The following CEP120 variants were observed in gnomAD, a reference collection of about 807,000 sequenced individuals.
The protein encoded by CEP120 is centrosomal protein of 120 kDa.
CEP120 carries 113 observed loss-of-function variants against 126.5 expected under a neutral mutation model. The ratio of observed to expected loss-of-function variants is 0.89; its 90% CI spans 0.77 to 1.04. The LOEUF (loss-of-function observed/expected upper bound fraction) is 1.04. CEP120 is among the 50% of genes least tolerant of loss of function. The pLI, the probability that CEP120 is intolerant of heterozygous loss-of-function variation, is 0.00. For synonymous variants in CEP120, 400 were observed against 394.3 expected (o/e 1.01, Z -0.17); for missense variants, 1,230 against 1,155.7 (o/e 1.06, Z -0.93).
intron 16 of CEP120, among the ~76,000 whole-genome samples, chr5:123,375,609 C>T (rs1315019011): frequency 6.6e-6 from 1 of 152,112 alleles, no homozygotes; most frequent in African/African-American, 2.4e-5. Context: ...AAGTGTGAAC[C>T]ACTGTGCCTG....
intron 9 of CEP120, 87 bp from the exon 10 acceptor site, chr5:123,386,754 A>C: frequency 9.8e-7 from 1 of 1,015,968 alleles, no homozygotes; most frequent in Non-Finnish European, 1.3e-6. Flanking sequence ...AAAAAAGTAT[A>C]ATATGAATAT....
intron 16 of CEP120, among the ~76,000 whole-genome samples, chr5:123,373,989 T>TA (rs377115518): frequency 3.3e-5 from 5 of 151,814 alleles, no homozygotes; most frequent in African/African-American, 1.2e-4. Flanking sequence ...GTAATGAAAA[T>TA]AAAATGTGAA....
chr5:123,381,028 A>C (rs1271837772), intron 14 of CEP120, among the ~76,000 whole-genome samples: 1 of 152,072 alleles, frequency 6.6e-6, no homozygotes, highest in East Asian at 1.9e-4. Flanking sequence ...GGTGAGAATT[A>C]AGTTAGAAAA....
At position 123,377,496 on chromosome 5, in the gene CEP120, G is replaced by C; in HGVS notation, c.2236C>G (p.Arg746Gly). 1 of 1,594,154 alleles carries C rather than the reference G, an allele frequency of 6.3e-7. No homozygotes were observed. The highest frequency in any genetic ancestry group is 8.5e-7 in the Non-Finnish European group (1 of 1,175,400). Residue 746 changes from arginine to glycine, a missense_variant, in exon 16 of 20, where the codon CGG becomes GGG. Transcript: ENST00000306467. ...GAGTCCTGCAGTTCTTGCAGGTTCC[G>C]CTGACGTTCTGATTGCAGTTCCTTT... is the stretch of plus-strand genomic sequence containing the variant. ...EKKELQSERQ[R>G]NLQELQDSIR...
At chr5:123,390,174 A>G in intron 7 of CEP120, 34 bp from the exon 8 acceptor site, 1 of 1,459,048 alleles carries the variant, frequency 6.9e-7, no homozygotes, top group Non-Finnish European at 9.4e-7. Flanking sequence ...TATAATTTGC[A>G]AAGAACTTTC....
chr5:123,383,192 C>T (rs939708954), intron 11 of CEP120, 110 bp from the exon 12 acceptor site: 3 of 638,188 alleles, frequency 4.7e-6, no homozygotes, highest in African/African-American at 3.7e-5. Flanking sequence ...TTTTCTGCTC[C>T]TAACTCTATT....
intron 5 of CEP120, among the ~76,000 whole-genome samples, chr5:123,393,838 A>G (rs1772573219): frequency 6.6e-6 from 1 of 152,198 alleles, no homozygotes; most frequent in African/African-American, 2.4e-5. Flanking sequence ...CACATATTTT[A>G]TTTCATCTCA....
chr5:123,356,127 A>C (rs1232142226), intron 18 of CEP120, among the ~76,000 whole-genome samples: 1 of 152,000 alleles, frequency 6.6e-6, no homozygotes, highest in Non-Finnish European at 1.5e-5. Context: ...GTTCTGTTCC[A>C]TTGGTCTATA....
intron 9 of CEP120, among the ~76,000 whole-genome samples, chr5:123,387,019 T>A (rs1580693663): frequency 6.6e-6 from 1 of 152,164 alleles, no homozygotes; most frequent in South Asian, 2.1e-4. Flanking sequence ...GATGCATTCA[T>A]GGTAATCTGG....
intron 4 of CEP120, among the ~76,000 whole-genome samples, chr5:123,404,916 T>C (rs1423835578): frequency 1.3e-5 from 2 of 152,162 alleles, no homozygotes. Context: ...CAAAATATTA[T>C]AGTAGGAAAA....
intron 11 of CEP120, among the ~76,000 whole-genome samples, chr5:123,384,054 C>A (rs1771851586): frequency 6.6e-6 from 1 of 152,092 alleles, no homozygotes; most frequent in Admixed American, 6.6e-5. Flanking sequence ...TTAAGTAAAT[C>A]TCCTAAAACT....
intron 7 of CEP120, 33 bp from the exon 8 acceptor site, chr5:123,390,173 C>G: frequency 1.4e-6 from 2 of 1,459,594 alleles, no homozygotes; most frequent in Non-Finnish European, 1.9e-6. Context: ...GTATAATTTG[C>G]AAAGAACTTT....
chr5:123,377,853 T>C (rs1321134074), intron 15 of CEP120, among the ~76,000 whole-genome samples: 1 of 152,140 alleles, frequency 6.6e-6, no homozygotes, highest in Non-Finnish European at 1.5e-5. Flanking sequence ...TCTTTTCTTC[T>C]TTTAGAAACT....
chr5:123,352,740 T>C (rs1769278979), intron 18 of CEP120, among the ~76,000 whole-genome samples: 1 of 152,056 alleles, frequency 6.6e-6, no homozygotes, highest in Non-Finnish European at 1.5e-5. Flanking sequence ...ATGATGATTA[T>C]ATTGAATCCA....
chr5:123,349,618 A>G (rs918725339), intron 19 of CEP120, among the ~76,000 whole-genome samples: 2 of 152,128 alleles, frequency 1.3e-5, no homozygotes, highest in African/African-American at 2.4e-5. Context: ...AAAGTTTAAT[A>G]GTCTTTGGCA....
chr5:123,362,684 A>G (rs781104884), intron 18 of CEP120, among the ~76,000 whole-genome samples: 8 of 151,490 alleles, frequency 5.3e-5, no homozygotes, highest in Non-Finnish European at 1.0e-4. Flanking sequence ...TGATCTTCAC[A>G]TTTTCTCTAG....
Position 123,382,213 on chromosome 5 carries a change from GA to G in CEP120, c.2014-14del, listed in dbSNP as rs766009969. 62 of 1,559,004 alleles carry G rather than the reference GA, an allele frequency of 4.0e-5. No individual in the cohort carries two copies. The highest frequency in any genetic ancestry group is 3.7e-5 in the Non-Finnish European group (43 of 1,152,040). On this transcript the variant is annotated splice_polypyrimidine_tract_variant and intron_variant, in intron 13 of 19. Coordinates refer to ENST00000306467, the MANE Select transcript of CEP120 (RefSeq NM_001375405.1). ...CTTTCTGCTTCAGCTACAAAAGGAA[GA>G]AAAATAAAGTCGCCAAAAAACCCCA...
intron 1 of CEP120, among the ~76,000 whole-genome samples, chr5:123,421,863 G>C (rs1454167246): frequency 6.6e-6 from 1 of 152,094 alleles, no homozygotes; most frequent in Non-Finnish European, 1.5e-5. Flanking sequence ...GGCTTTTCTG[G>C]TCAGTCTCTT....
chr5:123,387,941 T>C (rs978124153), intron 9 of CEP120, among the ~76,000 whole-genome samples: 1 of 152,022 alleles, frequency 6.6e-6, no homozygotes, highest in Non-Finnish European at 1.5e-5. Flanking sequence ...TTCATAGCTA[T>C]GAAATGGAGG....
Sources: gnomAD v4.1 joint callset for allele counts (sites outside exome capture counted in the v4.1 genomes callset) on GRCh38, gnomAD v4.1.1 for gene constraint, MANE v1.5 for transcripts, NCBI Gene and HGNC (gene_info 2026-07-23, HGNC 2026-07-21) for gene names.